ABTB2: variants seen among roughly 807,000 people sequenced by gnomAD.
The protein encoded by ABTB2 is ankyrin repeat and BTB/POZ domain-containing protein 2.
Under a neutral mutation model 104.1 loss-of-function variants are expected in ABTB2, and 56 were observed. The ratio of observed to expected loss-of-function variants is 0.54; its 90% confidence interval spans 0.43 to 0.67. The LOEUF is 0.67. ABTB2 is among the 30% of genes least tolerant of loss of function. ABTB2 has a pLI of 0.00. For missense variants in ABTB2, 1,279 were observed against 1,407.7 expected, an observed-to-expected ratio of 0.91 and a Z score of 1.46; for synonymous variants, 606 against 608.2, an observed-to-expected ratio of 1.00 and a Z score of 0.05.
chr11:34,312,537 G>A (rs1012197579), intron 1 of ABTB2, among the ~76,000 whole-genome samples: 1 of 152,204 alleles, frequency 6.6e-6, no homozygotes, highest in South Asian at 2.1e-4. Context: ...GTGCCCAGGA[G>A]AGCATTCAGC....
rs1285236376 is a variant in ABTB2 at position 34,357,502 on chromosome 11, G to C, written c.82C>G (p.Arg28Gly). Residue 28 changes from arginine (R) to glycine (G), a missense_variant, in exon 1 of 17, where the codon CGC becomes GGC. Physicochemically the swap from Arg to Gly is moderately radical, Grantham distance 125. Transcript: ENST00000435224. Reference sequence around the variant, plus strand: ...TTGGAGGACGAGAGGCTGAGCGAGCGGCACGAGTCCCCGGCCCCATACCCG... The same window carrying C: ...TTGGAGGACGAGAGGCTGAGCGAGCCGCACGAGTCCCCGGCCCCATACCCG... ...DSGYGAGDSCRSLSLSSSKSN... is the reference protein window; with the variant it reads ...DSGYGAGDSCGSLSLSSSKSN... 15 of 1,542,068 alleles carry C rather than the reference G, an allele frequency of 9.7e-6. No homozygotes were observed. Among genetic ancestry groups the C allele is most frequent in the Middle Eastern group, 1.7e-4 (1 of 6,014 alleles).
chr11:34,269,955 A>G (rs1425487837), intron 1 of ABTB2, among the ~76,000 whole-genome samples: 2 of 152,220 alleles, frequency 1.3e-5, no homozygotes, highest in African/African-American at 4.8e-5. Context: ...TTTTACAGAT[A>G]AGAAAATCAA....
At chr11:34,347,419 G>C (rs903437367) in intron 1 of ABTB2, among the ~76,000 whole-genome samples, 8 of 151,576 alleles carry the variant, frequency 5.3e-5, no homozygotes, top group African/African-American at 2.0e-4. Context: ...CTGGGTGACA[G>C]AGTGAGACTT....
Position 34,154,513 on chromosome 11 carries a change from G to C in ABTB2, c.2767-135C>G. On this transcript the variant is annotated intron_variant, in intron 15 of 16. Transcript: ENST00000435224. This position sits in a 1 kb window ranked among gnomAD's most constrained non-coding sequence, Gnocchi z 4.9. ...GGCCCCACTACCTTCTGATACTCCT[G>C]GGCCTAACCATCCCCGCTGGGACAC... The C allele has an allele frequency of 1.2e-6, 1 of 845,614 alleles. No individual in the cohort carries two copies. The highest frequency in any genetic ancestry group is 1.9e-6 in the Non-Finnish European group (1 of 529,610). 52.4% of individuals were successfully genotyped at this position (845,614 alleles called of 1,614,324 possible).
At chr11:34,348,762 C>T (rs757605543) in intron 1 of ABTB2, among the ~76,000 whole-genome samples, 2 of 152,168 alleles carry the variant, frequency 1.3e-5, no homozygotes, top group South Asian at 2.1e-4. Context: ...GAAAAGCACC[C>T]GCAATGGGGA....
At chr11:34,195,809 C>CT in intron 3 of ABTB2, among the ~76,000 whole-genome samples, 1 of 152,202 alleles carries the variant, frequency 6.6e-6, no homozygotes, top group Non-Finnish European at 1.5e-5. Context: ...ACCTTAGTGC[C>CT]TTTGTTTTCT....
At chr11:34,227,456 T>C (rs1415181805) in intron 1 of ABTB2, among the ~76,000 whole-genome samples, 1 of 152,220 alleles carries the variant, frequency 6.6e-6, no homozygotes, top group Admixed American at 6.5e-5. Context: ...TGTGTCTGGC[T>C]TCTTTTATGT....
At chr11:34,158,353 C>T (rs529148055) in intron 14 of ABTB2, among the ~76,000 whole-genome samples, 8 of 152,234 alleles carry the variant, frequency 5.3e-5, no homozygotes, top group African/African-American at 1.9e-4. Flanking sequence ...GTGGAGCTTG[C>T]AGTGAGCCGA....
intron 1 of ABTB2, among the ~76,000 whole-genome samples, chr11:34,336,583 T>G (rs1357392368): frequency 6.6e-6 from 1 of 151,798 alleles, no homozygotes; most frequent in Non-Finnish European, 1.5e-5. Flanking sequence ...TTTGAGGTTG[T>G]CATGAGCCAT....
chr11:34,207,450 T>C (rs1318824719), intron 1 of ABTB2, among the ~76,000 whole-genome samples: 2 of 152,266 alleles, frequency 1.3e-5, no homozygotes, highest in Non-Finnish European at 2.9e-5. Flanking sequence ...CTATTATTAA[T>C]AATAGTAATT....
intron 2 of ABTB2, 72 bp downstream of exon 2, chr11:34,204,472 T>A: frequency 1.3e-6 from 2 of 1,483,746 alleles, no homozygotes; most frequent in Non-Finnish European, 1.8e-6. Context: ...AGGCGAGCTC[T>A]CCCTGCCTTC....
intron 1 of ABTB2, among the ~76,000 whole-genome samples, chr11:34,262,978 G>A (rs1222635686): frequency 2.6e-5 from 4 of 152,174 alleles, no homozygotes; most frequent in Non-Finnish European, 4.4e-5. Context: ...CACAGGAGAC[G>A]AAATCAGGCC....
At chr11:34,162,937 TC>T in intron 9 of ABTB2, 132 bp from the exon 10 acceptor site, 1 of 849,034 alleles carries the variant, frequency 1.2e-6, no homozygotes, top group South Asian at 1.8e-5. Context: ...TTCATGGTCT[TC>T]CTCCTCCAGG....
chr11:34,220,476 G>A (rs1313203819), intron 1 of ABTB2, among the ~76,000 whole-genome samples: 2 of 152,206 alleles, frequency 1.3e-5, no homozygotes, highest in Non-Finnish European at 2.9e-5. Context: ...GGCTGGCAGG[G>A]CTTTTGCTCT....
In ABTB2 at chr11:34,162,671, C is replaced by T. The variant is rs147748545; in HGVS notation, c.2123G>A (p.Arg708Gln). 181 of 1,613,160 alleles carry T rather than the reference C, an allele frequency of 1.1e-4. No individual in the cohort carries two copies. Among genetic ancestry groups the T allele is most frequent in the South Asian group, 1.5e-4 (14 of 91,088 alleles). Residue 708 changes from arginine to glutamine, a missense_variant, in exon 10 of 17, where the codon CGG becomes CAG. Physicochemically the swap from Arg to Gln is conservative, Grantham distance 43. Transcript: ENST00000435224. ...SQGSGSEGPV[R>Q]LSRTRTKALQ... Reference sequence around the variant, plus strand: ...GGCCTTGGTGCGGGTCCGGCTCAGCCGCACGGGCCCCTCGCTGCCACTGCC... The same window carrying T: ...GGCCTTGGTGCGGGTCCGGCTCAGCTGCACGGGCCCCTCGCTGCCACTGCC...
intron 1 of ABTB2, among the ~76,000 whole-genome samples, chr11:34,250,766 C>A (rs1025092090): frequency 6.6e-6 from 1 of 152,196 alleles, no homozygotes; most frequent in East Asian, 1.9e-4. Context: ...ATGCTCTGCT[C>A]CCTCTAATAA....
chr11:34,182,300 A>G (rs1253065770), intron 3 of ABTB2, among the ~76,000 whole-genome samples: 1 of 152,172 alleles, frequency 6.6e-6, no homozygotes, highest in African/African-American at 2.4e-5. Flanking sequence ...TCTTGTACTC[A>G]TTATTTTTCT....
intron 1 of ABTB2, among the ~76,000 whole-genome samples, chr11:34,278,005 G>A (rs1439862028): frequency 6.6e-6 from 1 of 151,216 alleles, no homozygotes; most frequent in African/African-American, 2.4e-5. Context: ...GGGTTTCGCT[G>A]TGTTGGCCAG....
chr11:34,153,950 A>G (rs1852583940), intron 16 of ABTB2, among the ~76,000 whole-genome samples: 1 of 152,180 alleles, frequency 6.6e-6, no homozygotes, highest in Admixed American at 6.5e-5. Context: ...AGAAAAGTAA[A>G]TACCTATGGC....
Sources: allele counts gnomAD v4.1 joint callset (sites outside exome capture counted in the v4.1 genomes callset), GRCh38; gene constraint gnomAD v4.1.1; non-coding constraint Gnocchi (gnomAD v3.1); transcripts MANE v1.5; gene names NCBI Gene and HGNC (gene_info 2026-07-23, HGNC 2026-07-21).